Variants in DPP6 observed in about 807,000 individuals in gnomAD.
The protein encoded by DPP6 is dipeptidyl peptidase like 6, also known as A-type potassium channel modulatory protein DPP6.
DPP6 carries 69 observed loss-of-function variants against 122.6 expected under a neutral mutation model. The ratio of observed to expected loss-of-function variants is 0.56; its 90% CI spans 0.46 to 0.69. The LOEUF is 0.69. Ranked by LOEUF, DPP6 falls within the 30% of genes least tolerant of loss-of-function variation. DPP6 has a pLI of 0.00. For synonymous variants in DPP6, 418 were observed against 433.1 expected (o/e 0.97, Z 0.43); for missense variants, 928 against 1,116.9 (o/e 0.83, Z 2.41).
chr7:153,818,502 AG>A, the DPP6 span, among the ~76,000 whole-genome samples: 3 of 152,176 alleles, frequency 2.0e-5, no homozygotes, highest in Non-Finnish European at 4.4e-5. Context: ...ACTACTACCC[AG>A]TGGCAGGGAA....
At chr7:153,754,456 T>C in the DPP6 span, among the ~76,000 whole-genome samples, 1 of 152,120 alleles carries the variant, frequency 6.6e-6, no homozygotes, top group Non-Finnish European at 1.5e-5. Context: ...ACTGTATTAT[T>C]TTTCTTTGTC....
rs540743907 is a variant in DPP6 at position 154,482,514 on chromosome 7, A to G, written c.457+7477A>G. On this transcript the variant is annotated intron_variant, in intron 3 of 25. Transcript: ENST00000377770. ...ACAAATTTAAAAGATACTAAAAATTACCTGTAACCCCTCTAACTGAAAATG... is the reference window on the plus strand; with the variant it reads ...ACAAATTTAAAAGATACTAAAAATTGCCTGTAACCCCTCTAACTGAAAATG... Among the ~76,000 whole-genome samples the G allele has an allele frequency of 3.9e-5, 6 of 152,346 alleles. No homozygotes were observed. In the South Asian group the frequency reaches 1.2e-3, roughly 32 times the overall value.
At position 154,023,355 on chromosome 7, in the gene DPP6, C is replaced by CACAG. The variant is rs1798807432; in HGVS notation, c.51+135624_51+135625insGACA. On this transcript the variant is annotated intron_variant, in intron 1 of 25. Transcript: ENST00000404039. The stretch of plus-strand genomic sequence containing the variant: ...ACACACACACACACACACACACACA[C>CACAG]ACACACTTCTTAAGTCTGCATTCCC... Among the ~76,000 whole-genome samples the CACAG allele has an allele frequency of 2.6e-5, 4 of 151,844 alleles. No homozygotes were observed. In the South Asian group the frequency reaches 8.3e-4, roughly 32 times the overall value.
intron 6 of DPP6, among the ~76,000 whole-genome samples, chr7:154,655,230 G>A (rs576680777): frequency 1.3e-5 from 2 of 152,244 alleles, no homozygotes; most frequent in African/African-American, 4.8e-5. Context: ...AAATGCTGTT[G>A]CTGTTATAAA....
intron 1 of DPP6, among the ~76,000 whole-genome samples, chr7:154,223,191 A>G (rs1800404848): frequency 6.7e-6 from 1 of 148,974 alleles, no homozygotes; most frequent in Non-Finnish European, 1.5e-5. Context: ...ATGGCCAAGG[A>G]GAAGCAAAAC....
chr7:153,929,101 G>C (rs778897300), intron 1 of DPP6, among the ~76,000 whole-genome samples: 2 of 152,174 alleles, frequency 1.3e-5, no homozygotes, highest in Non-Finnish European at 2.9e-5. Context: ...GAGGTGGCCT[G>C]ACCAAGGTTT....
At chr7:153,847,709 T>C in the DPP6 span, among the ~76,000 whole-genome samples, 1 of 152,216 alleles carries the variant, frequency 6.6e-6, no homozygotes, top group Non-Finnish European at 1.5e-5. Flanking sequence ...GGAGTTAAAA[T>C]CTAAATTGTC....
chr7:154,206,160 C>T (rs1184042954), intron 1 of DPP6, among the ~76,000 whole-genome samples: 1 of 152,248 alleles, frequency 6.6e-6, no homozygotes, highest in Non-Finnish European at 1.5e-5. Flanking sequence ...TCCTCATGCT[C>T]ACACAGCTGG....
intron 3 of DPP6, among the ~76,000 whole-genome samples, chr7:154,508,367 G>A (rs1825816902): frequency 6.6e-6 from 1 of 152,136 alleles, no homozygotes; most frequent in South Asian, 2.1e-4. Context: ...TCAGGGACTG[G>A]GGTTCCCTCC....
At chr7:154,536,635 C>A (rs1828278189) in intron 3 of DPP6, among the ~76,000 whole-genome samples, 1 of 152,086 alleles carries the variant, frequency 6.6e-6, no homozygotes, top group Non-Finnish European at 1.5e-5. Context: ...TAAGGAACAC[C>A]AAACCCTTCG....
chr7:154,056,130 A>G (rs1215312666), intron 1 of DPP6, among the ~76,000 whole-genome samples: 1 of 152,222 alleles, frequency 6.6e-6, no homozygotes, highest in Non-Finnish European at 1.5e-5. Context: ...CTACACAGGC[A>G]ACAAAGGGAC....
intron 1 of DPP6, among the ~76,000 whole-genome samples, chr7:154,177,507 T>C (rs1043042068): frequency 2.0e-5 from 3 of 152,218 alleles, no homozygotes; most frequent in African/African-American, 7.2e-5. Flanking sequence ...GTGACCACTG[T>C]TGGTCACCAA....
chr7:154,813,223 G>T (rs1224359061), intron 16 of DPP6, among the ~76,000 whole-genome samples: 2 of 151,698 alleles, frequency 1.3e-5, no homozygotes, highest in Admixed American at 1.3e-4. Flanking sequence ...TGGGACTACA[G>T]GTGCCCGCCA....
intron 13 of DPP6, 130 bp downstream of exon 13, chr7:154,801,592 C>T: frequency 2.3e-6 from 3 of 1,315,462 alleles, no homozygotes; most frequent in South Asian, 3.1e-5. Flanking sequence ...TTCCCGAAGG[C>T]AGGGCAGGGC....
chr7:154,222,083 G>A (rs540210083), intron 1 of DPP6, among the ~76,000 whole-genome samples: 5 of 152,146 alleles, frequency 3.3e-5, no homozygotes, highest in East Asian at 3.9e-4. Context: ...TGGTTTTGTC[G>A]CCCACTTGCT....
chr7:154,411,555 C>T (rs1031539460), intron 1 of DPP6, among the ~76,000 whole-genome samples: 2 of 152,084 alleles, frequency 1.3e-5, no homozygotes, highest in Non-Finnish European at 1.5e-5. Flanking sequence ...TTTTTATCTC[C>T]CTAGAATATT....
intron 1 of DPP6, among the ~76,000 whole-genome samples, chr7:153,903,834 T>A (rs1799738518): frequency 6.6e-6 from 1 of 152,206 alleles, no homozygotes; most frequent in African/African-American, 2.4e-5. Context: ...TTTTCAGTAC[T>A]TTGTTCTCTT....
chr7:154,639,470 A>G (rs1979601), intron 6 of DPP6, among the ~76,000 whole-genome samples: 102,867 of 152,174 alleles, frequency 0.68, 35,322 homozygotes, highest in East Asian at 0.91. Context: ...TCTGGGAACA[A>G]TAGAATTTGT....
At chr7:153,800,493 A>C in the DPP6 span, among the ~76,000 whole-genome samples, 1 of 152,182 alleles carries the variant, frequency 6.6e-6, no homozygotes, top group East Asian at 1.9e-4. Flanking sequence ...ACTACATTCT[A>C]ATGTTCAACA....
Sources: allele counts gnomAD v4.1 joint callset (sites outside exome capture counted in the v4.1 genomes callset), GRCh38; gene constraint gnomAD v4.1.1; transcripts MANE v1.5; gene names NCBI Gene and HGNC (gene_info 2026-07-23, HGNC 2026-07-21).